Variants in MYOM1 observed in about 807,000 individuals in gnomAD.
MYOM1 encodes the protein myomesin-1.
A neutral mutation model predicts 205.3 loss-of-function variants in MYOM1; 164 were observed. The observed-to-expected ratio is 0.80, with a 90% CI of 0.70 to 0.91. MYOM1 has a LOEUF of 0.91. MYOM1 is among the 40% of genes least tolerant of loss of function. The pLI is 0.00. For missense variants in MYOM1, 2,011 were observed against 2,127.3 expected (o/e 0.95, Z 1.08); for synonymous variants, 772 against 789.4 (o/e 0.98, Z 0.37).
At chr18:3,213,143 C>T (rs73377266) in intron 2 of MYOM1, among the ~76,000 whole-genome samples, 7 of 152,138 alleles carry the variant, frequency 4.6e-5, no homozygotes, top group African/African-American at 1.2e-4. Flanking sequence ...ACAGGGATTT[C>T]GGAATTTCTG....
At chr18:3,079,091 G>A (rs2079054123) in intron 34 of MYOM1, 88 bp downstream of exon 34, 9 of 1,413,052 alleles carry the variant, frequency 6.4e-6, no homozygotes, top group South Asian at 1.2e-5. Context: ...GGGATTACAG[G>A]CATAAGCCAC....
chr18:3,099,729 T>C (rs2079353659), intron 25 of MYOM1, among the ~76,000 whole-genome samples: 1 of 152,264 alleles, frequency 6.6e-6, no homozygotes, highest in Admixed American at 6.5e-5. Context: ...TGGTAGGCAC[T>C]GTCTTTATAT....
intron 8 of MYOM1, among the ~76,000 whole-genome samples, chr18:3,172,691 G>A (rs1209591764): frequency 2.0e-5 from 3 of 152,096 alleles, no homozygotes; most frequent in Non-Finnish European, 2.9e-5. Context: ...TGTATTTTTA[G>A]TAGAGATAGG....
At chr18:3,082,068 T>A (rs2079091289) in intron 33 of MYOM1, among the ~76,000 whole-genome samples, 1 of 152,188 alleles carries the variant, frequency 6.6e-6, no homozygotes, top group Non-Finnish European at 1.5e-5. Context: ...ACAACCTAGA[T>A]CCCTCGCATG....
chr18:3,131,200 TA>T, intron 17 of MYOM1, among the ~76,000 whole-genome samples, 174 bp downstream of exon 17: 1 of 152,318 alleles, frequency 6.6e-6, no homozygotes, highest in East Asian at 1.9e-4. Flanking sequence ...TGAAGGTCTG[TA>T]AAATGGCAGC....
At chr18:3,214,787 T>C (rs984222816) in intron 2 of MYOM1, 147 bp downstream of exon 2, 18 of 865,890 alleles carry the variant, frequency 2.1e-5, no homozygotes, top group Middle Eastern at 3.6e-4. Flanking sequence ...GATCACGCCA[T>C]TGCACTCCAG....
At position 3,194,027 on chromosome 18, in the gene MYOM1, G is replaced by A. The variant is rs541648663; in HGVS notation, c.291-69C>T. ...TTTACAATATTCAAAATACGATAGAGGAAGTTTTAACTTGGGAGAAATTTT... is the reference window on the plus strand; with the variant it reads ...TTTACAATATTCAAAATACGATAGAAGAAGTTTTAACTTGGGAGAAATTTT... On this transcript the variant is annotated intron_variant, in intron 2 of 37. Transcript: ENST00000356443. The A allele has an allele frequency of 5.6e-5, 85 of 1,511,872 alleles. No homozygotes were observed. In the African/African-American group the frequency reaches 1.1e-3, roughly 20 times the overall value. The allele number at this position is 1,511,872 out of a possible 1,614,324, so 93.7% of individuals were successfully genotyped here. A position where few individuals can be genotyped will look rare whatever the true frequency, so the allele number is the denominator to read the frequency against.
intron 18 of MYOM1, among the ~76,000 whole-genome samples, chr18:3,127,305 A>ATATATATATATATATTT: frequency 2.1e-5 from 1 of 47,580 alleles, no homozygotes; most frequent in Non-Finnish European, 3.6e-5. Context: ...ATATATATAT[A>ATATATATATATATATTT]TTTTTTTTTT....
rs1424743121 is a variant in MYOM1, at chr18:3,154,646, C to CAA, written c.1643+300_1643+301insTT. Among the ~76,000 whole-genome samples the CAA allele has an allele frequency of 2.4e-5, 3 of 122,478 alleles. No homozygotes were observed. The South Asian group carries it at 7.7e-4, about 31-fold the overall frequency. The allele number at this position is 122,478 out of a possible 152,430, so 80.4% of individuals were successfully genotyped here. ...ACACACACACACACACACACACACA[C>CAA]ACACATTTATAATGGGTATATATAC... is the stretch of plus-strand genomic sequence containing the variant. On this transcript the variant is annotated intron_variant, in intron 11 of 37. Coordinates refer to ENST00000356443, the MANE Select transcript of MYOM1 (RefSeq NM_003803.4).
At chr18:3,153,292 C>T (rs1427588689) in intron 11 of MYOM1, among the ~76,000 whole-genome samples, 2 of 152,186 alleles carry the variant, frequency 1.3e-5, no homozygotes, top group African/African-American at 4.8e-5. Flanking sequence ...TTATTACCCG[C>T]GTGATCTTAG....
chr18:3,200,684 G>C (rs773467884), intron 2 of MYOM1, among the ~76,000 whole-genome samples: 65 of 151,998 alleles, frequency 4.3e-4, no homozygotes, highest in African/African-American at 1.3e-3. Flanking sequence ...CCATTCTAAA[G>C]CAAAGAGAGA....
At chr18:3,217,465 T>C (rs1259226569) in intron 1 of MYOM1, among the ~76,000 whole-genome samples, 1 of 152,156 alleles carries the variant, frequency 6.6e-6, no homozygotes, top group Non-Finnish European at 1.5e-5. Context: ...AGGAGATTGG[T>C]TTCAATGCTC....
chr18:3,129,499 C>T lies in MYOM1; in HGVS notation c.2527G>A (p.Val843Met). The part of the protein sequence containing the change: ...AAIGGGVSPD[V>M]CPALSDEPGG... ...GGCTCATCGCTCAGTGCGGGACACA[C>T]ATCTGGAGACACTCCTCCCCCTACA... Residue 843 changes from valine to methionine, a missense_variant, in exon 18 of 38, where the codon GTG becomes ATG. Transcript: ENST00000356443. 1 of 1,611,782 alleles carries T rather than the reference C, an allele frequency of 6.2e-7. No homozygotes were observed.
intron 10 of MYOM1, among the ~76,000 whole-genome samples, chr18:3,161,663 T>C (rs2080392774): frequency 6.6e-6 from 1 of 152,196 alleles, no homozygotes; most frequent in South Asian, 2.1e-4. Context: ...AACTTTCACA[T>C]ACAGGAGAGA....
intron 36 of MYOM1, among the ~76,000 whole-genome samples, chr18:3,074,453 G>A (rs1329143744): frequency 6.6e-6 from 1 of 152,118 alleles, no homozygotes; most frequent in Non-Finnish European, 1.5e-5. Context: ...TACCATTTTA[G>A]CCTGTAACAA....
intron 19 of MYOM1, among the ~76,000 whole-genome samples, chr18:3,120,514 G>A (rs950922187): frequency 3.9e-5 from 6 of 152,224 alleles, no homozygotes; most frequent in South Asian, 2.1e-4. Context: ...CAACCTGAGC[G>A]GGCTTGGAAG....
chr18:3,241,035 C>G, the MYOM1 span, among the ~76,000 whole-genome samples: 1 of 152,158 alleles, frequency 6.6e-6, no homozygotes, highest in Non-Finnish European at 1.5e-5. Flanking sequence ...TAGGAGATGA[C>G]TTGGTGCTGT....
At chr18:3,144,189 G>C (rs1012065992) in intron 13 of MYOM1, among the ~76,000 whole-genome samples, 2 of 152,076 alleles carry the variant, frequency 1.3e-5, no homozygotes, top group African/African-American at 4.8e-5. Context: ...CTGGGCGACA[G>C]AGCAAGACTC....
intron 13 of MYOM1, among the ~76,000 whole-genome samples, chr18:3,147,590 A>T (rs961795673): frequency 6.6e-6 from 1 of 152,212 alleles, no homozygotes; most frequent in African/African-American, 2.4e-5. Context: ...TAAAATTTAT[A>T]TATGAAAAAA....
Sources: allele counts gnomAD v4.1 joint callset (sites outside exome capture counted in the v4.1 genomes callset), GRCh38; gene constraint gnomAD v4.1.1; transcripts MANE v1.5; gene names NCBI Gene and HGNC (gene_info 2026-07-23, HGNC 2026-07-21).